PCDHGA11: variants seen among roughly 807,000 people sequenced by gnomAD.
The protein encoded by PCDHGA11 is protocadherin gamma subfamily A, 11.
In PCDHGA11, 39 loss-of-function variants were observed where a neutral mutation model predicts 60.4. The observed-to-expected ratio is 0.65, with a 90% CI of 0.50 to 0.84. PCDHGA11 has a LOEUF of 0.84. Ranked by LOEUF, PCDHGA11 falls within the 40% of genes least tolerant of loss-of-function variation. The pLI is 0.00. For synonymous variants in PCDHGA11, 533 were observed against 510.3 expected, an observed-to-expected ratio of 1.04 and a Z score of -0.60; for missense variants, 1,165 against 1,197.7, an observed-to-expected ratio of 0.97 and a Z score of 0.40.
intron 1 of PCDHGA11, chr5:141,471,553 TG>T (rs1217142933): frequency 6.6e-6 from 1 of 152,224 alleles, no homozygotes; most frequent in African/African-American, 2.4e-5. Flanking sequence ...AAGGTTGCTT[TG>T]ACTCAGGGGT....
intron 1 of PCDHGA11, chr5:141,478,233 TG>T (rs1467423955): frequency 3.7e-6 from 6 of 1,614,126 alleles, no homozygotes; most frequent in Non-Finnish European, 5.1e-6. Flanking sequence ...GTGGGGTTTG[TG>T]GTCACAGTGT....
chr5:141,489,431 T>C lies in PCDHGA11; in HGVS notation c.2434-5376T>C. 6.2e-7 allele frequency: 1 copy of C among 1,614,132 alleles called. No individual in the cohort carries two copies. Among genetic ancestry groups the C allele is most frequent in the Non-Finnish European group, 8.5e-7 (1 of 1,180,024 alleles). On this transcript the variant is annotated intron_variant, in intron 1 of 3. Transcript: ENST00000398587. This position sits in a 1 kb window ranked among gnomAD's most constrained non-coding sequence, Gnocchi z 4.5. ...ATGACAGATCTGTTGAGCCGGCGGC[T>C]GCAATTGGGCTCTGAGGAGAATGGG...
In PCDHGA11 at chr5:141,485,115, G is replaced by T. The variant is rs1043877839; in HGVS notation, c.2434-9692G>T. On this transcript the variant is annotated intron_variant, in intron 1 of 3. Transcript: ENST00000398587. This position sits in a 1 kb window ranked among gnomAD's most constrained non-coding sequence, Gnocchi z 5.7. ...GTGTCTCCAGCTGCTGTGGCTGTTT[G>T]GGGCGGGTCGGCTTCATCCGCGTCT... The T allele has an allele frequency of 3.8e-6, 5 of 1,300,464 alleles. No homozygotes were observed. The African/African-American group carries it at 5.8e-5, about 15-fold the overall frequency. The allele number at this position is 1,300,464 out of a possible 1,614,324, so 80.6% of individuals were successfully genotyped here.
intron 1 of PCDHGA11, among the ~76,000 whole-genome samples, chr5:141,483,613 C>A (rs2099583607): frequency 6.6e-6 from 1 of 151,914 alleles, no homozygotes; most frequent in South Asian, 2.1e-4. Context: ...ACACCTCCAT[C>A]ATTCCCATGG....
In PCDHGA11 at chr5:141,489,584, A is replaced by G. The variant is rs775720718; in HGVS notation, c.2434-5223A>G. Reference sequence around the variant, plus strand: ...CAGGTGGTGACTGAACACCCCCTGGAGCTAATCCGTGTAGAGGTAGAGATC... The same window carrying G: ...CAGGTGGTGACTGAACACCCCCTGGGGCTAATCCGTGTAGAGGTAGAGATC... On this transcript the variant is annotated intron_variant, in intron 1 of 3. Coordinates refer to ENST00000398587, the MANE Select transcript of PCDHGA11 (RefSeq NM_018914.3). The surrounding 1 kb of genome is among the most constrained non-coding windows in gnomAD (Gnocchi z 4.5). The G allele has an allele frequency of 6.2e-7, 1 of 1,614,054 alleles. No homozygotes were observed. Among genetic ancestry groups the G allele is most frequent in the South Asian group, 1.1e-5 (1 of 91,078 alleles).
chr5:141,485,426 C>T lies in PCDHGA11; in HGVS notation c.2434-9381C>T. 6.2e-7 allele frequency: 1 copy of T among 1,614,158 alleles called. No individual in the cohort carries two copies. Among genetic ancestry groups the T allele is most frequent in the South Asian group, 1.1e-5 (1 of 91,078 alleles). ...TGTGGATTTGGACAGCGGAGCCCTGCTCATCAAGAACCCAATCGACCGAGA... is the reference window on the plus strand; with the variant it reads ...TGTGGATTTGGACAGCGGAGCCCTGTTCATCAAGAACCCAATCGACCGAGA... On this transcript the variant is annotated intron_variant, in intron 1 of 3. Transcript: ENST00000398587. The surrounding 1 kb of genome is among the most constrained non-coding windows in gnomAD (Gnocchi z 5.7).
chr5:141,421,507 G>A lies in PCDHGA11; in HGVS notation c.280G>A (p.Glu94Lys), dbSNP rs758920296. The change falls in exon 1 of 4, where the codon GAG (glutamate) becomes AAG (lysine). Residue 94 changes from glutamate to lysine, a missense_variant. Physicochemically the swap from Glu to Lys is moderately conservative, Grantham distance 56 (BLOSUM62 1). Coordinates refer to ENST00000398587, the MANE Select transcript of PCDHGA11 (RefSeq NM_018914.3). ...GATCACGGCAGGCAGGATAGACCGG[G>A]AGGAGCTCTGTGAGACGGTGTCCTC... Reference protein sequence around the residue: ...SLITAGRIDREELCETVSSCF... With the variant: ...SLITAGRIDRKELCETVSSCF... The A allele has an allele frequency of 6.8e-6, 11 of 1,614,070 alleles. No homozygotes were observed. The South Asian group carries it at 1.2e-4, about 18-fold the overall frequency.
chr5:141,489,696 C>T lies in PCDHGA11; in HGVS notation c.2434-5111C>T. On this transcript the variant is annotated intron_variant, in intron 1 of 3. Transcript: ENST00000398587. This position sits in a 1 kb window ranked among gnomAD's most constrained non-coding sequence, Gnocchi z 4.5. ...AATCAGCAGCATCTGGGGCACGATT[C>T]CCACTGGACAGTGCCCAGGATCCGG... 6.2e-7 allele frequency: 1 copy of T among 1,614,170 alleles called. No homozygotes were observed. Among genetic ancestry groups the T allele is most frequent in the Non-Finnish European group, 8.5e-7 (1 of 1,180,002 alleles).
intron 1 of PCDHGA11, chr5:141,427,312 C>T (rs1438759401): frequency 4.4e-6 from 2 of 456,954 alleles, no homozygotes; most frequent in East Asian, 6.9e-5. Context: ...GACAATGCCC[C>T]AGACGTGGTT....
chr5:141,464,769 T>C (rs2154568595), intron 1 of PCDHGA11, among the ~76,000 whole-genome samples: 1 of 152,328 alleles, frequency 6.6e-6, no homozygotes. Flanking sequence ...ACAGGAATCT[T>C]GTTCTGTTGC....
Position 141,485,400 on chromosome 5 carries a change from G to A in PCDHGA11, c.2434-9407G>A. On this transcript the variant is annotated intron_variant, in intron 1 of 3. Transcript: ENST00000398587. The surrounding 1 kb of genome is among the most constrained non-coding windows in gnomAD (Gnocchi z 5.7). ...GGAGAGGTGAACCAAAGACACTTCC[G>A]TGTGGATTTGGACAGCGGAGCCCTG... is the stretch of plus-strand genomic sequence containing the variant. The A allele has an allele frequency of 6.2e-7, 1 of 1,614,076 alleles. No homozygotes were observed. The highest frequency in any genetic ancestry group is 8.5e-7 in the Non-Finnish European group (1 of 1,179,948).
chr5:141,442,650 G>A (rs192694987), intron 1 of PCDHGA11, among the ~76,000 whole-genome samples: 83 of 152,350 alleles, frequency 5.4e-4, no homozygotes, highest in Admixed American at 9.1e-4. Flanking sequence ...CCTAAGATGA[G>A]AAATATTTGG....
At chr5:141,445,855 T>C (rs1432695384) in intron 1 of PCDHGA11, among the ~76,000 whole-genome samples, 1 of 152,222 alleles carries the variant, frequency 6.6e-6, no homozygotes, top group Non-Finnish European at 1.5e-5. Flanking sequence ...CTTAAAATTC[T>C]GGATTTTGTT....
intron 2 of PCDHGA11, among the ~76,000 whole-genome samples, chr5:141,504,179 A>C (rs1247627456): frequency 6.6e-6 from 1 of 152,240 alleles, no homozygotes; most frequent in Non-Finnish European, 1.5e-5. Context: ...AATTCAAAAA[A>C]ATCATGAAAA....
rs776349562 is a variant in PCDHGA11 at position 141,491,131 on chromosome 5, G to T, written c.2434-3676G>T. The T allele has an allele frequency of 6.2e-7, 1 of 1,614,182 alleles. No individual in the cohort carries two copies. Among genetic ancestry groups the T allele is most frequent in the Non-Finnish European group, 8.5e-7 (1 of 1,180,008 alleles). On this transcript the variant is annotated intron_variant, in intron 1 of 3. Coordinates refer to ENST00000398587, the MANE Select transcript of PCDHGA11 (RefSeq NM_018914.3). This position sits in a 1 kb window ranked among gnomAD's most constrained non-coding sequence, Gnocchi z 6.9. ...TACACACACTGGTGAGGTGCGCACA[G>T]CCCGGGCCTTACTGGAGGATGACTC...
At position 141,421,975 on chromosome 5, in the gene PCDHGA11, G is replaced by A. The variant is rs1287891140; in HGVS notation, c.748G>A (p.Val250Met). 3.1e-6 allele frequency: 5 copies of A among 1,610,050 alleles called. No individual in the cohort carries two copies. The South Asian group carries it at 3.3e-5, about 11-fold the overall frequency. The change falls in exon 1 of 4, where the codon GTG (valine) becomes ATG (methionine). Residue 250 changes from valine to methionine, a missense_variant. Coordinates refer to ENST00000398587, the MANE Select transcript of PCDHGA11 (RefSeq NM_018914.3). The part of the protein sequence containing the change: ...IPMFTQSVYR[V>M]SVPENISSGT... ...AATGTTTACACAGTCCGTATATCGC[G>A]TGAGTGTTCCAGAAAACATCAGCTC...
intron 2 of PCDHGA11, among the ~76,000 whole-genome samples, chr5:141,504,579 G>T (rs994771989): frequency 2.0e-5 from 3 of 149,174 alleles, no homozygotes; most frequent in Non-Finnish European, 4.4e-5. Context: ...AACACCATCT[G>T]CCCAGGATTC....
In PCDHGA11 at chr5:141,489,661, C is replaced by T. The variant is rs756803543; in HGVS notation, c.2434-5146C>T. 36 of 1,614,146 alleles carry T rather than the reference C, an allele frequency of 2.2e-5. 1 individual carries two copies. Among genetic ancestry groups the T allele is most frequent in the South Asian group, 5.5e-5 (5 of 91,090 alleles). ...CTTTGCCACCCCTGAGCGAGAGATG[C>T]GCATCTCAGAATCAGCAGCATCTGG... On this transcript the variant is annotated intron_variant, in intron 1 of 3. Coordinates refer to ENST00000398587, the MANE Select transcript of PCDHGA11 (RefSeq NM_018914.3). The surrounding 1 kb of genome is among the most constrained non-coding windows in gnomAD (Gnocchi z 4.5).
At chr5:141,497,904 A>G (rs939422338) in intron 2 of PCDHGA11, among the ~76,000 whole-genome samples, 2 of 152,136 alleles carry the variant, frequency 1.3e-5, no homozygotes, top group African/African-American at 2.4e-5. Context: ...AGTAACTTCA[A>G]CTTCTCTCCT....
Sources: allele counts gnomAD v4.1 joint callset (sites outside exome capture counted in the v4.1 genomes callset), GRCh38; gene constraint gnomAD v4.1.1; non-coding constraint Gnocchi (gnomAD v3.1); transcripts MANE v1.5; gene names NCBI Gene and HGNC (gene_info 2026-07-23, HGNC 2026-07-21).